The following GSE1 variants were observed in gnomAD, a reference collection of about 807,000 sequenced individuals.
GSE1 encodes the protein genetic suppressor element 1.
A neutral mutation model predicts 112.6 loss-of-function variants in GSE1; 32 were observed. The ratio of observed to expected loss-of-function variants is 0.28; its 90% CI spans 0.21 to 0.38. The LOEUF is 0.38. Among genes scored for constraint, GSE1 ranks in the 10% least tolerant of loss-of-function variants. The pLI, the probability that GSE1 is intolerant of heterozygous loss-of-function variation, is 1.00. For missense variants in GSE1, 2,348 were observed against 1,699.2 expected (o/e 1.38, Z -6.71); for synonymous variants, 1,115 against 735.6 (o/e 1.52, Z -8.35).
At chr16:85,670,328 A>AT (rs2053228430) in intron 14 of GSE1, among the ~76,000 whole-genome samples, 1 of 152,128 alleles carries the variant, frequency 6.6e-6, no homozygotes, top group African/African-American at 2.4e-5. Context: ...GAAACTTTAA[A>AT]GCATCCCATT....
At chr16:85,665,183 C>T (rs1222580826) in intron 12 of GSE1, 55 bp downstream of exon 12, 5 of 1,089,858 alleles carry the variant, frequency 4.6e-6, no homozygotes, top group African/African-American at 3.1e-5. Flanking sequence ...ATGGGCTGCC[C>T]AGGCTCAGAG....
At chr16:85,662,799 C>A (rs1016480093) in intron 9 of GSE1, 182 bp from the exon 10 acceptor site, 3 of 576,666 alleles carry the variant, frequency 5.2e-6, no homozygotes, top group East Asian at 5.8e-5. Context: ...TGCGGTCCTG[C>A]AAAGCCCCAG....
At position 85,457,523 on chromosome 16, in the gene GSE1, C is replaced by A. The variant is rs553849169; in HGVS notation, c.2464+99880C>A. On this transcript the variant is annotated intron_variant, in intron 2 of 2. Coordinates refer to the GSE1 transcript ENST00000637419. ...TCTCCCTCGTGGTGATGAGATGTGT[C>A]ATCGTCCCAGGACCTGGTGGAGGCT... Among the ~76,000 whole-genome samples the A allele has an allele frequency of 7.2e-5, 11 of 152,366 alleles. No homozygotes were observed. The South Asian group carries it at 1.0e-3, about 14-fold the overall frequency.
intron 2 of GSE1, among the ~76,000 whole-genome samples, chr16:85,634,581 C>A (rs2049828539): frequency 6.6e-6 from 1 of 152,166 alleles, no homozygotes; most frequent in Non-Finnish European, 1.5e-5. Context: ...ACACAGTGGT[C>A]TGGAGCGGGG....
At chr16:85,374,691 TA>T (rs1200225911) in intron 2 of GSE1, among the ~76,000 whole-genome samples, 1 of 151,398 alleles carries the variant, frequency 6.6e-6, no homozygotes, top group Admixed American at 6.6e-5. Context: ...CTGGAGGGGG[TA>T]GGGGGTGGAT....
chr16:85,331,276 C>T (rs1288901390), intron 1 of GSE1, among the ~76,000 whole-genome samples: 1 of 149,020 alleles, frequency 6.7e-6, no homozygotes, highest in South Asian at 2.1e-4. Flanking sequence ...CCTCAGCCTC[C>T]CAAGTAGCTG....
At chr16:85,658,004 G>A (rs148346724) in intron 8 of GSE1, among the ~76,000 whole-genome samples, 16 of 152,338 alleles carry the variant, frequency 1.1e-4, no homozygotes, top group African/African-American at 3.6e-4. Flanking sequence ...TTAACAAGAA[G>A]GGGACAGCTT....
intron 2 of GSE1, among the ~76,000 whole-genome samples, chr16:85,637,497 T>TC (rs768093384): frequency 1.3e-5 from 2 of 151,376 alleles, no homozygotes; most frequent in Admixed American, 6.6e-5. Context: ...ATGTATCGAG[T>TC]CCCCCCTTGA....
chr16:85,350,194 G>A (rs1322898768), intron 1 of GSE1, among the ~76,000 whole-genome samples: 3 of 152,178 alleles, frequency 2.0e-5, no homozygotes, highest in Non-Finnish European at 4.4e-5. Context: ...CCCACTTTCC[G>A]GAGACATCAG....
At chr16:85,184,419 G>A (rs945777690) in intron 1 of GSE1, among the ~76,000 whole-genome samples, 7 of 152,236 alleles carry the variant, frequency 4.6e-5, no homozygotes, top group Admixed American at 3.3e-4. Flanking sequence ...GATGTGGAGA[G>A]AGAAATTTCT....
chr16:85,258,520 G>A (rs900679428), intron 1 of GSE1, among the ~76,000 whole-genome samples: 11 of 152,196 alleles, frequency 7.2e-5, no homozygotes, highest in Admixed American at 4.6e-4. Flanking sequence ...CGGCCCCGTG[G>A]CCACTGCTCC....
intron 2 of GSE1, among the ~76,000 whole-genome samples, chr16:85,515,584 G>T (rs1249847691): frequency 6.6e-6 from 1 of 151,014 alleles, no homozygotes; most frequent in African/African-American, 2.4e-5. Context: ...GGCGCCAGGG[G>T]CCCAGACTGG....
At position 85,667,542 on chromosome 16, in the gene GSE1, G is replaced by A. The variant is rs1206690788; in HGVS notation, c.3131-598G>A. Among the ~76,000 whole-genome samples the A allele has an allele frequency of 2.6e-5, 4 of 152,232 alleles. No individual in the cohort carries two copies. The East Asian group carries it at 7.7e-4, about 29-fold the overall frequency. On this transcript the variant is annotated intron_variant, in intron 13 of 15. Transcript: ENST00000253458. Reference sequence around the variant, plus strand: ...GAGGATGGGCTGGTGTCTGCTGAGGGCTGACTATAGACCAAGCTCAAAGAG... The same window carrying A: ...GAGGATGGGCTGGTGTCTGCTGAGGACTGACTATAGACCAAGCTCAAAGAG...
intron 1 of GSE1, among the ~76,000 whole-genome samples, chr16:85,352,191 G>A (rs1597463433): frequency 6.6e-6 from 1 of 152,134 alleles, no homozygotes; most frequent in East Asian, 1.9e-4. Context: ...ACCAGGAGTT[G>A]GCTTTCTCCA....
At position 85,570,348 on chromosome 16, in the gene GSE1, G is replaced by A. The variant is rs551325201; in HGVS notation, c.37+13985G>A. Among the ~76,000 whole-genome samples, 5 of 152,314 alleles carry A rather than the reference G, an allele frequency of 3.3e-5. No individual in the cohort carries two copies. In the South Asian group the frequency reaches 6.2e-4, roughly 19 times the overall value. ...AGAGGAAAGACCTGGCCCTTGACCC[G>A]CCTCTGCCAGGGATTCTCTGGGGCT... On this transcript the variant is annotated intron_variant, in intron 1 of 2. Transcript: ENST00000635906.
At chr16:85,462,687 G>T (rs1398537171) in intron 2 of GSE1, among the ~76,000 whole-genome samples, 1 of 138,264 alleles carries the variant, frequency 7.2e-6, no homozygotes, top group Non-Finnish European at 1.6e-5. Context: ...GGAGGGCGGC[G>T]GGGGCGCCGC....
At chr16:85,329,022 G>A (rs1365506116) in intron 1 of GSE1, among the ~76,000 whole-genome samples, 2 of 152,170 alleles carry the variant, frequency 1.3e-5, no homozygotes, top group African/African-American at 2.4e-5. Flanking sequence ...GGGATTGAGG[G>A]GTGAGGTCAG....
chr16:85,434,675 A>C (rs992798396), intron 2 of GSE1, among the ~76,000 whole-genome samples: 2 of 152,110 alleles, frequency 1.3e-5, no homozygotes, highest in African/African-American at 4.8e-5. Flanking sequence ...AAAATTAGCC[A>C]GGCATGGTGG....
At chr16:85,175,398 C>A (rs1252958927) in intron 1 of GSE1, among the ~76,000 whole-genome samples, 1 of 152,168 alleles carries the variant, frequency 6.6e-6, no homozygotes, top group South Asian at 2.1e-4. Flanking sequence ...CTGGAAGGAC[C>A]CCGGGCTTGC....
Sources: allele counts gnomAD v4.1 joint callset (sites outside exome capture counted in the v4.1 genomes callset), GRCh38; gene constraint gnomAD v4.1.1; transcripts MANE v1.5; gene names NCBI Gene and HGNC (gene_info 2026-07-23, HGNC 2026-07-21).